The following KCNAB1 variants were observed in gnomAD, a reference collection of about 807,000 sequenced individuals.
KCNAB1 encodes potassium voltage-gated channel subfamily A regulatory beta subunit 1, also known as voltage-gated potassium channel subunit beta-1.
KCNAB1 carries 35 observed loss-of-function variants against 64.6 expected under a neutral mutation model. That is an observed-to-expected ratio of 0.54 (90% CI 0.41 to 0.72). The LOEUF is 0.72. Ranked by LOEUF, KCNAB1 falls within the 30% of genes least tolerant of loss-of-function variation. KCNAB1 has a pLI of 0.00. For missense variants in KCNAB1, 401 were observed against 512.9 expected, an observed-to-expected ratio of 0.78 and a Z score of 2.11; for synonymous variants, 177 against 183.8, an observed-to-expected ratio of 0.96 and a Z score of 0.30.
chr3:156,481,728 TAGAC>T (rs1376079129), intron 8 of KCNAB1, among the ~76,000 whole-genome samples: 3 of 152,130 alleles, frequency 2.0e-5, no homozygotes, highest in Non-Finnish European at 4.4e-5. Flanking sequence ...ACTAGGGCAT[TAGAC>T]AGACACAACT....
At chr3:156,225,649 T>A (rs1407034808) in intron 1 of KCNAB1, among the ~76,000 whole-genome samples, 3 of 152,126 alleles carry the variant, frequency 2.0e-5, no homozygotes, top group Non-Finnish European at 2.9e-5. Context: ...TTGCTGATGG[T>A]ATGATTGTAT....
chr3:156,245,552 T>A (rs1236706620), intron 1 of KCNAB1, among the ~76,000 whole-genome samples: 1 of 152,218 alleles, frequency 6.6e-6, no homozygotes, highest in Non-Finnish European at 1.5e-5. Flanking sequence ...CTATGCAATT[T>A]TGTAATGTGA....
chr3:156,344,829 A>C (rs535504644), intron 1 of KCNAB1, among the ~76,000 whole-genome samples: 9 of 152,336 alleles, frequency 5.9e-5, no homozygotes, highest in Admixed American at 3.3e-4. Flanking sequence ...AGATCCCATT[A>C]CGTCCTATCT....
intron 1 of KCNAB1, among the ~76,000 whole-genome samples, chr3:156,300,434 C>T (rs190375285): frequency 6.6e-6 from 1 of 152,280 alleles, no homozygotes; most frequent in Admixed American, 6.5e-5. Flanking sequence ...TGACTCCCAA[C>T]TGTAACTATA....
At chr3:156,244,462 C>A (rs533212273) in intron 1 of KCNAB1, among the ~76,000 whole-genome samples, 2 of 152,296 alleles carry the variant, frequency 1.3e-5, no homozygotes, top group East Asian at 3.9e-4. Flanking sequence ...CCATGTAAAG[C>A]AACATATTCA....
chr3:156,425,366 G>A lies in KCNAB1; in HGVS notation c.319+3707G>A, dbSNP rs572695163. 1.2e-3 allele frequency among the ~76,000 whole-genome samples: 177 copies of A among 152,330 alleles called. 1 individual carries two copies. Among genetic ancestry groups the A allele is most frequent in the Non-Finnish European group, 1.8e-3 (125 of 68,020 alleles). ...ACTAAGAGCAAATGTGTAAATGGGAGTAGAAAGGTGAAGTAACTTGAGAGT... is the reference window on the plus strand; with the variant it reads ...ACTAAGAGCAAATGTGTAAATGGGAATAGAAAGGTGAAGTAACTTGAGAGT... On this transcript the variant is annotated intron_variant, in intron 2 of 13. Transcript: ENST00000490337.
At chr3:156,473,316 A>T (rs1714074387) in intron 7 of KCNAB1, among the ~76,000 whole-genome samples, 1 of 152,182 alleles carries the variant, frequency 6.6e-6, no homozygotes, top group African/African-American at 2.4e-5. Context: ...TGGGGTCCCT[A>T]GCATGCTAGA....
chr3:156,332,945 G>A (rs1723441465), intron 1 of KCNAB1, among the ~76,000 whole-genome samples: 4 of 152,118 alleles, frequency 2.6e-5, no homozygotes, highest in Admixed American at 2.6e-4. Flanking sequence ...TCAAAATTAT[G>A]TATCTTTTCC....
At chr3:156,291,341 G>T (rs1720397478) in intron 1 of KCNAB1, 2 of 991,378 alleles carry the variant, frequency 2.0e-6, no homozygotes, top group East Asian at 2.2e-4. Flanking sequence ...AGTGGATGGA[G>T]ACCACCAGTC....
chr3:156,411,919 T>G (rs918114444), intron 1 of KCNAB1, among the ~76,000 whole-genome samples: 1 of 152,228 alleles, frequency 6.6e-6, no homozygotes, highest in Non-Finnish European at 1.5e-5. Flanking sequence ...ACAGAGCATT[T>G]TGCTAGGATA....
At chr3:156,183,183 G>C (rs1712980573) in intron 1 of KCNAB1, among the ~76,000 whole-genome samples, 1 of 152,222 alleles carries the variant, frequency 6.6e-6, no homozygotes, top group South Asian at 2.1e-4. Flanking sequence ...CACGACAAGG[G>C]GTGGAGTTGG....
chr3:156,292,470 A>G (rs1720499111), intron 1 of KCNAB1, among the ~76,000 whole-genome samples: 2 of 152,238 alleles, frequency 1.3e-5, no homozygotes, highest in Admixed American at 1.3e-4. Context: ...ATTTTATGAT[A>G]AAGACAGTAG....
chr3:156,133,897 T>C (rs1324483582), intron 1 of KCNAB1, among the ~76,000 whole-genome samples: 3 of 151,880 alleles, frequency 2.0e-5, no homozygotes, highest in African/African-American at 4.8e-5. Flanking sequence ...TCAGAACAAA[T>C]TCGTTGACTT....
intron 8 of KCNAB1, among the ~76,000 whole-genome samples, chr3:156,477,436 A>G (rs139709912): frequency 0.011 from 1,616 of 152,208 alleles, 15 homozygotes; most frequent in South Asian, 0.029. Flanking sequence ...GCACAGCAGC[A>G]ATCAACCACC....
intron 1 of KCNAB1, chr3:156,292,241 G>A: frequency 8.3e-7 from 1 of 1,197,794 alleles, no homozygotes; most frequent in Non-Finnish European, 1.2e-6. Context: ...GCTCACTTTA[G>A]AATTCTCAGG....
chr3:156,441,624 T>C (rs1361605640), intron 2 of KCNAB1, among the ~76,000 whole-genome samples: 1 of 152,186 alleles, frequency 6.6e-6, no homozygotes, highest in African/African-American at 2.4e-5. Flanking sequence ...TTAGTCCTAG[T>C]GTCACATGGA....
intron 9 of KCNAB1, 36 bp from the exon 10 acceptor site, chr3:156,515,064 C>T (rs1323464514): frequency 6.4e-7 from 1 of 1,554,718 alleles, no homozygotes; most frequent in Admixed American, 2.0e-5. Flanking sequence ...TATTTCTCAT[C>T]AGTATAAATT....
At chr3:156,128,552 C>T (rs1199225818) in intron 1 of KCNAB1, among the ~76,000 whole-genome samples, 3 of 152,196 alleles carry the variant, frequency 2.0e-5, no homozygotes, top group Non-Finnish European at 2.9e-5. Flanking sequence ...AATGTCTTGT[C>T]GTGCATTATC....
At chr3:156,328,532 C>G (rs1403618073) in intron 1 of KCNAB1, among the ~76,000 whole-genome samples, 2 of 152,138 alleles carry the variant, frequency 1.3e-5, no homozygotes, top group Non-Finnish European at 2.9e-5. Flanking sequence ...TTAGCTGGGT[C>G]ACCCTATCCT....
Sources: allele counts gnomAD v4.1 joint callset (sites outside exome capture counted in the v4.1 genomes callset), GRCh38; gene constraint gnomAD v4.1.1; transcripts MANE v1.5; gene names NCBI Gene and HGNC (gene_info 2026-07-23, HGNC 2026-07-21).